The following LRRC47 variants were observed in gnomAD, a reference collection of about 807,000 sequenced individuals.
LRRC47 encodes leucine-rich repeat-containing protein 47.
Under a neutral mutation model 40.9 loss-of-function variants are expected in LRRC47, and 31 were observed. The ratio of observed to expected loss-of-function variants is 0.76; its 90% confidence interval spans 0.57 to 1.02. LRRC47 has a LOEUF of 1.02. LRRC47 is among the 50% of genes least tolerant of loss of function. The pLI is 0.00. For synonymous variants in LRRC47, 427 were observed against 371.9 expected, an observed-to-expected ratio of 1.15 and a Z score of -1.70; for missense variants, 726 against 796.1, an observed-to-expected ratio of 0.91 and a Z score of 1.06.
chr1:3,790,431 C>G (rs1026414947), intron 1 of LRRC47, among the ~76,000 whole-genome samples: 10 of 152,248 alleles, frequency 6.6e-5, no homozygotes, highest in African/African-American at 2.4e-4. Context: ...CCCACATCAG[C>G]TGTTCAGGTA....
At chr1:3,783,202 T>G (rs1383152983) in intron 4 of LRRC47, 1 of 158,342 alleles carries the variant, frequency 6.3e-6, no homozygotes, top group African/African-American at 2.4e-5. Flanking sequence ...GGCAGACTGC[T>G]TGAAGTCAGG....
Position 3,780,974 on chromosome 1 carries a change from C to CAAA in LRRC47, c.*111_*113dup. 2.0e-5 allele frequency: 24 copies of CAAA among 1,195,800 alleles called. No homozygotes were observed. Among genetic ancestry groups the CAAA allele is most frequent in the African/African-American group, 3.2e-5 (2 of 63,112 alleles). The allele number at this position is 1,195,800 out of a possible 1,614,324, so 74.1% of individuals were successfully genotyped here. ...CTGGCGACAGAGCGAGACTCCATCT[C>CAAA]AAAAAAAAAAACCAACAAAAAAACT... is the stretch of plus-strand genomic sequence containing the variant. On this transcript the variant is annotated 3_prime_UTR_variant, in exon 7 of 7. Coordinates refer to ENST00000378251, the MANE Select transcript of LRRC47 (RefSeq NM_020710.3).
chr1:3,795,053 C>CAAAAAAAAAAA (rs35186516), intron 1 of LRRC47, among the ~76,000 whole-genome samples: 1 of 61,620 alleles, frequency 1.6e-5, no homozygotes, highest in Non-Finnish European at 3.2e-5. Flanking sequence ...GACTACATCT[C>CAAAAAAAAAAA]AAAAAAAAAA....
Position 3,786,836 on chromosome 1 carries a change from C to T in LRRC47, c.1077+13G>A, listed in dbSNP as rs1327189735. 1 of 1,569,720 alleles carries T rather than the reference C, an allele frequency of 6.4e-7. No individual in the cohort carries two copies. Among genetic ancestry groups the T allele is most frequent in the South Asian group, 1.2e-5 (1 of 84,754 alleles). ...TCTGTCCCAGTCATCTGAGGACCCC[C>T]ACGGGCACCCACCTGCGAGGTGAGG... On this transcript the variant is annotated intron_variant, in intron 2 of 6. Transcript: ENST00000378251.
intron 5 of LRRC47, among the ~76,000 whole-genome samples, chr1:3,781,907 A>G (rs1570734596): frequency 6.6e-6 from 1 of 152,178 alleles, no homozygotes; most frequent in East Asian, 1.9e-4. Flanking sequence ...CTTAAGCCCA[A>G]GAGTTTGAGG....
At chr1:3,795,583 A>C (rs559707060) in intron 1 of LRRC47, among the ~76,000 whole-genome samples, 1 of 152,256 alleles carries the variant, frequency 6.6e-6, no homozygotes, top group Non-Finnish European at 1.5e-5. Flanking sequence ...TAACAATTAC[A>C]AAATAGCGTA....
At chr1:3,782,399 A>G (rs2124609108) in intron 5 of LRRC47, among the ~76,000 whole-genome samples, 1 of 152,050 alleles carries the variant, frequency 6.6e-6, no homozygotes, top group East Asian at 1.9e-4. Flanking sequence ...GGTTCAAGTG[A>G]TTCTCCTGCC....
chr1:3,789,974 T>C (rs9424284), intron 1 of LRRC47, among the ~76,000 whole-genome samples: 102,440 of 152,166 alleles, frequency 0.67, 36,049 homozygotes, highest in African/African-American at 0.89. Context: ...ACACTGGCTT[T>C]GGGGAGGATG....
rs763742255 is a variant in LRRC47, at chr1:3,786,831, A to G, written c.1077+18T>C. The G allele has an allele frequency of 1.9e-6, 3 of 1,560,694 alleles. No individual in the cohort carries two copies. Among genetic ancestry groups the G allele is most frequent in the Middle Eastern group, 1.9e-4 (1 of 5,354 alleles). The stretch of plus-strand genomic sequence containing the variant: ...ACACCTCTGTCCCAGTCATCTGAGG[A>G]CCCCCACGGGCACCCACCTGCGAGG... On this transcript the variant is annotated intron_variant, in intron 2 of 6. Coordinates refer to ENST00000378251, the MANE Select transcript of LRRC47 (RefSeq NM_020710.3).
At position 3,794,694 on chromosome 1, in the gene LRRC47, T is replaced by C. The variant is rs561922150; in HGVS notation, c.615+1168A>G. On this transcript the variant is annotated intron_variant, in intron 1 of 6. Coordinates refer to ENST00000378251, the MANE Select transcript of LRRC47 (RefSeq NM_020710.3). ...ATGTTACTTGTAAAATGAGTTGCAA[T>C]GTCTTGAGGAATTGCTACAGCAAAT... 2.0e-5 allele frequency among the ~76,000 whole-genome samples: 3 copies of C among 151,878 alleles called. No homozygotes were observed. In the South Asian group the frequency reaches 6.3e-4, roughly 32 times the overall value.
chr1:3,778,566 G>A lies in LRRC47; in HGVS notation c.*2522C>T, dbSNP rs368637050. 6.2e-4 allele frequency: 95 copies of A among 153,682 alleles called. No homozygotes were observed. The highest frequency in any genetic ancestry group is 1.1e-3 in the Non-Finnish European group (78 of 68,260). 9.5% of individuals were successfully genotyped at this position (153,682 alleles called of 1,614,324 possible). ...GGAAAGGATCTGCTGGGCCAGGTGC[G>A]GAGCTGTTTTTATTAGTGAGTCGGG... On this transcript the variant is annotated 3_prime_UTR_variant, in exon 7 of 7. Transcript: ENST00000378251.
At chr1:3,794,192 C>G (rs543834993) in intron 1 of LRRC47, among the ~76,000 whole-genome samples, 3 of 151,922 alleles carry the variant, frequency 2.0e-5, no homozygotes, top group African/African-American at 7.2e-5. Flanking sequence ...GAGACTCCAT[C>G]TCAAACAACA....
At chr1:3,782,970 A>G (rs531430999) in intron 4 of LRRC47, 3 of 582,100 alleles carry the variant, frequency 5.2e-6, no homozygotes, top group Admixed American at 6.0e-5. Context: ...GTGGAGGACC[A>G]CCAGGCTGCC....
At chr1:3,786,505 A>T (rs1643574824) in intron 2 of LRRC47, among the ~76,000 whole-genome samples, 1 of 152,072 alleles carries the variant, frequency 6.6e-6, no homozygotes, top group Non-Finnish European at 1.5e-5. Context: ...TTAAAAAAAA[A>T]AAATCAGGAT....
At chr1:3,782,619 C>G (rs749660443) in intron 5 of LRRC47, 42 bp downstream of exon 5, 1 of 1,144,920 alleles carries the variant, frequency 8.7e-7, no homozygotes, top group Non-Finnish European at 1.3e-6. Context: ...CTACAGGGAA[C>G]AGCCTAGAAG....
At chr1:3,786,633 G>A (rs566844678) in intron 2 of LRRC47, among the ~76,000 whole-genome samples, 39 of 152,292 alleles carry the variant, frequency 2.6e-4, no homozygotes, top group South Asian at 4.2e-4. Context: ...CCTGCCTCCC[G>A]GAGGGGACTG....
At chr1:3,785,343 C>T (rs541300925) in intron 2 of LRRC47, 140 bp from the exon 3 acceptor site, 118 of 444,296 alleles carry the variant, frequency 2.7e-4, no homozygotes, top group African/African-American at 2.1e-3. Context: ...CGCCCCTTTC[C>T]GAGACAGGGC....
rs1055624532 is a variant in LRRC47, at chr1:3,778,932, G to A, written c.*2156C>T. 4 of 152,374 alleles carry A rather than the reference G, an allele frequency of 2.6e-5. No individual in the cohort carries two copies. Among genetic ancestry groups the A allele is most frequent in the Admixed American group, 2.6e-4 (4 of 15,288 alleles). 9.4% of individuals were successfully genotyped at this position (152,374 alleles called of 1,614,324 possible). A position where few individuals can be genotyped will look rare whatever the true frequency, so the allele number is the denominator to read the frequency against. On this transcript the variant is annotated 3_prime_UTR_variant, in exon 7 of 7. Transcript: ENST00000378251. ...TCCAGCAGAGTCCTGGCCTGGGGAA[G>A]CCCCCGTGCCGCCTCAAGCCTCCAG...
intron 1 of LRRC47, among the ~76,000 whole-genome samples, chr1:3,790,997 G>A (rs781290272): frequency 6.6e-6 from 1 of 152,248 alleles, no homozygotes; most frequent in Non-Finnish European, 1.5e-5. Flanking sequence ...GTGGCAGGAA[G>A]CATGTTCCAG....
Sources: gnomAD v4.1 joint callset for allele counts (sites outside exome capture counted in the v4.1 genomes callset) on GRCh38, gnomAD v4.1.1 for gene constraint, MANE v1.5 for transcripts, NCBI Gene and HGNC (gene_info 2026-07-23, HGNC 2026-07-21) for gene names.